EYA1: variants seen among roughly 807,000 people sequenced by gnomAD.
The protein encoded by EYA1 is protein phosphatase EYA1.
EYA1 carries 16 observed loss-of-function variants against 82.0 expected under a neutral mutation model. The observed-to-expected ratio is 0.20, with a 90% confidence interval of 0.13 to 0.30. EYA1 has a LOEUF of 0.30. Among genes scored for constraint, EYA1 ranks in the 10% least tolerant of loss-of-function variants. The pLI, the probability that EYA1 is intolerant of heterozygous loss-of-function variation, is 1.00. For missense variants in EYA1, 633 were observed against 730.7 expected, an observed-to-expected ratio of 0.87 and a Z score of 1.54; for synonymous variants, 261 against 264.4, an observed-to-expected ratio of 0.99 and a Z score of 0.12.
At chr8:71,465,271 C>T (rs896651102) in intron 2 of EYA1, among the ~76,000 whole-genome samples, 1 of 152,068 alleles carries the variant, frequency 6.6e-6, no homozygotes, top group African/African-American at 2.4e-5. Context: ...GAGCAGAAAC[C>T]ATCTTATACA....
intron 2 of EYA1, among the ~76,000 whole-genome samples, chr8:71,458,295 T>G (rs1166049444): frequency 6.6e-6 from 1 of 152,142 alleles, no homozygotes; most frequent in Non-Finnish European, 1.5e-5. Context: ...GTTTTAAAGT[T>G]TCTAAGAATA....
At position 71,368,308 on chromosome 8, in the gene EYA1, G is replaced by C. The variant is rs73684756; in HGVS notation, c.34-11797C>G. ...CAGAGCGCCCGTAGAGGAGCCCTCT[G>C]CTGCACGATTATCATTGACAACCCC... On this transcript the variant is annotated intron_variant, in intron 2 of 18. Transcript: ENST00000643681. Among the ~76,000 whole-genome samples the C allele has an allele frequency of 5.9e-3, 900 of 152,138 alleles. 10 individuals are homozygous for C. Among genetic ancestry groups the C allele is most frequent in the African/African-American group, 0.02 (849 of 41,510 alleles).
chr8:71,229,589 C>T (rs1310485661), intron 12 of EYA1, among the ~76,000 whole-genome samples: 1 of 152,104 alleles, frequency 6.6e-6, no homozygotes, highest in African/African-American at 2.4e-5. Flanking sequence ...ATTGATGACC[C>T]AATCAGTTAA....
At chr8:71,355,444 T>C (rs1355415313) in intron 2 of EYA1, among the ~76,000 whole-genome samples, 1 of 152,190 alleles carries the variant, frequency 6.6e-6, no homozygotes, top group Non-Finnish European at 1.5e-5. Flanking sequence ...ACCTATAGTC[T>C]AGTGACAGGG....
intron 11 of EYA1, 53 bp downstream of exon 11, chr8:71,269,687 T>C (rs1816280916): frequency 8.1e-7 from 1 of 1,240,270 alleles, no homozygotes; most frequent in African/African-American, 1.5e-5. Flanking sequence ...ATAAACAAAT[T>C]AGAGGTATAT....
chr8:71,373,653 A>G (rs1451447676), intron 2 of EYA1, among the ~76,000 whole-genome samples: 2 of 152,134 alleles, frequency 1.3e-5, no homozygotes, highest in African/African-American at 4.8e-5. Context: ...AAATTTATAT[A>G]GAACCATAAA....
intron 11 of EYA1, among the ~76,000 whole-genome samples, chr8:71,263,537 G>A (rs1815395448): frequency 6.6e-6 from 1 of 152,212 alleles, no homozygotes; most frequent in East Asian, 1.9e-4. Context: ...GTGTTTCCTT[G>A]GGGCCCCAGG....
At chr8:71,500,311 G>A (rs1007034221) in intron 2 of EYA1, among the ~76,000 whole-genome samples, 4 of 152,166 alleles carry the variant, frequency 2.6e-5, no homozygotes, top group African/African-American at 9.6e-5. Flanking sequence ...CAAGTATGAG[G>A]AAGATAGAAA....
At chr8:71,301,791 G>C (rs759026511) in intron 7 of EYA1, among the ~76,000 whole-genome samples, 1 of 152,084 alleles carries the variant, frequency 6.6e-6, no homozygotes, top group African/African-American at 2.4e-5. Flanking sequence ...TTTGCATGTG[G>C]TAATTACATG....
chr8:71,439,595 C>T (rs1353290530), intron 2 of EYA1, among the ~76,000 whole-genome samples: 1 of 152,210 alleles, frequency 6.6e-6, no homozygotes, highest in Non-Finnish European at 1.5e-5. Flanking sequence ...TAATTTCCGC[C>T]ATTCATGGCA....
rs561391418 is a variant in EYA1 at position 71,231,272 on chromosome 8, T to A, written c.1140+13331A>T. 1.1e-3 allele frequency among the ~76,000 whole-genome samples: 171 copies of A among 152,350 alleles called. 2 individuals carry two copies. Among genetic ancestry groups the A allele is most frequent in the African/African-American group, 3.9e-3 (161 of 41,588 alleles). ...ATACAACTCATCTCCTTGGTAGTGC[T>A]ATAAGTTCTTTACTGGTTACCCTCG... On this transcript the variant is annotated intron_variant, in intron 12 of 17. Coordinates refer to ENST00000340726, the MANE Select transcript of EYA1 (RefSeq NM_000503.6).
intron 12 of EYA1, among the ~76,000 whole-genome samples, chr8:71,243,070 G>A (rs1009370028): frequency 1.3e-5 from 2 of 152,000 alleles, no homozygotes; most frequent in African/African-American, 2.4e-5. Context: ...GAGCCACTGC[G>A]CCCAGCCAAG....
intron 4 of EYA1, among the ~76,000 whole-genome samples, chr8:71,333,867 C>T (rs59540658): frequency 1.4e-4 from 21 of 152,232 alleles, no homozygotes; most frequent in African/African-American, 5.1e-4. Flanking sequence ...TTTTATACCC[C>T]ATTTATTGGA....
chr8:71,299,554 T>C, intron 8 of EYA1, 84 bp downstream of exon 8: 1 of 879,762 alleles, frequency 1.1e-6, no homozygotes. Context: ...AAGCTCTCAC[T>C]TATAAACAGA....
Position 71,223,522 on chromosome 8 carries a change from G to C in EYA1, c.1141-6499C>G, listed in dbSNP as rs577530202. On this transcript the variant is annotated intron_variant, in intron 12 of 17. Coordinates refer to ENST00000340726, the MANE Select transcript of EYA1 (RefSeq NM_000503.6). The stretch of plus-strand genomic sequence containing the variant: ...TGGATTATAAAATGCTCACATGGGT[G>C]GCTGGGGAAACTGCCAACACATGAA... Among the ~76,000 whole-genome samples the C allele has an allele frequency of 2.6e-5, 4 of 152,336 alleles. No homozygotes were observed. In the South Asian group the frequency reaches 6.2e-4, roughly 24 times the overall value.
At chr8:71,482,944 G>A (rs1810283957) in intron 2 of EYA1, among the ~76,000 whole-genome samples, 1 of 152,146 alleles carries the variant, frequency 6.6e-6, no homozygotes, top group Non-Finnish European at 1.5e-5. Context: ...TCCTGGTGGT[G>A]GTTACAGGGG....
chr8:71,306,216 T>G (rs778031207), intron 7 of EYA1, among the ~76,000 whole-genome samples: 9 of 152,072 alleles, frequency 5.9e-5, no homozygotes, highest in Non-Finnish European at 1.0e-4. Context: ...TACTCACTCC[T>G]GGCACAGGGT....
intron 2 of EYA1, among the ~76,000 whole-genome samples, chr8:71,489,846 T>G (rs1223446619): frequency 2.0e-5 from 3 of 152,256 alleles, no homozygotes; most frequent in Admixed American, 2.0e-4. Flanking sequence ...TAGCTGCTGC[T>G]GATTCCAAAC....
chr8:71,512,185 A>C (rs955494368), intron 2 of EYA1, among the ~76,000 whole-genome samples: 1 of 152,186 alleles, frequency 6.6e-6, no homozygotes, highest in Non-Finnish European at 1.5e-5. Flanking sequence ...AGAAGTAATC[A>C]CTAGCTTCTC....
Sources: gnomAD v4.1 joint callset for allele counts (sites outside exome capture counted in the v4.1 genomes callset) on GRCh38, gnomAD v4.1.1 for gene constraint, MANE v1.5 for transcripts, NCBI Gene and HGNC (gene_info 2026-07-23, HGNC 2026-07-21) for gene names.